Variants in USP42 observed in about 807,000 individuals in gnomAD.
The protein encoded by USP42 is ubiquitin carboxyl-terminal hydrolase 42.
USP42 carries 23 observed loss-of-function variants against 113.0 expected under a neutral mutation model. The ratio of observed to expected loss-of-function variants is 0.20; its 90% confidence interval spans 0.15 to 0.29. The LOEUF (loss-of-function observed/expected upper bound fraction) is 0.29. USP42 is among the 10% of genes least tolerant of loss of function. The pLI, the probability that USP42 is intolerant of heterozygous loss-of-function variation, is 1.00. For missense variants in USP42, 2,174 were observed against 1,779.8 expected (o/e 1.22, Z -3.99); for synonymous variants, 933 against 699.0 (o/e 1.33, Z -5.28).
chr7:6,098,618 C>G, the USP42 span, among the ~76,000 whole-genome samples: 1 of 150,382 alleles, frequency 6.6e-6, no homozygotes, highest in Non-Finnish European at 1.5e-5. Context: ...GTGGCATGAT[C>G]TCAGCTCACT....
At chr7:6,133,256 G>A (rs1449618002) in intron 3 of USP42, among the ~76,000 whole-genome samples, 1 of 152,084 alleles carries the variant, frequency 6.6e-6, no homozygotes, top group East Asian at 1.9e-4. Flanking sequence ...TGTGCTTTTC[G>A]TTTGTAGATA....
At position 6,109,250 on chromosome 7, in the gene USP42, A is replaced by G. The variant is rs375624699; in HGVS notation, c.-9-1875A>G. ...CCAGAGACAGCAGGGACAAAAGAAA[A>G]AAAAACAAGACTTCAGCATGGTGGG... On this transcript the variant is annotated intron_variant, in intron 1 of 17. Coordinates refer to ENST00000306177, the MANE Select transcript of USP42 (RefSeq NM_032172.3). Among the ~76,000 whole-genome samples, 8 of 152,298 alleles carry G rather than the reference A, an allele frequency of 5.3e-5. 1 individual carries two copies. The South Asian group carries it at 1.2e-3, about 24-fold the overall frequency.
Position 6,158,059 on chromosome 7 carries a change from A to C in USP42, c.3943+1004A>C, listed in dbSNP as rs1583702973. Among the ~76,000 whole-genome samples the C allele has an allele frequency of 6.6e-6, 1 of 152,256 alleles. No individual in the cohort carries two copies. Among genetic ancestry groups the C allele is most frequent in the Admixed American group, 6.5e-5 (1 of 15,288 alleles). ...CTGGGGCCAACTTCGGCCAGTCACCAGACTTTGTATGAACTTGGAGTTAAG... is the reference window on the plus strand; with the variant it reads ...CTGGGGCCAACTTCGGCCAGTCACCCGACTTTGTATGAACTTGGAGTTAAG... On this transcript the variant is annotated intron_variant, in intron 16 of 17. Coordinates refer to ENST00000306177, the MANE Select transcript of USP42 (RefSeq NM_032172.3). The surrounding 1 kb of genome is among the most constrained non-coding windows in gnomAD (Gnocchi z 4.2).
rs1189852419 is a variant in USP42, at chr7:6,157,597, C to T, written c.3943+542C>T. The stretch of plus-strand genomic sequence containing the variant: ...GTTTTTAGTAGAGACGGTGTTTCAC[C>T]GTGTTAGCCAGGATGGTCTCGAGAA... On this transcript the variant is annotated intron_variant, in intron 16 of 17. Transcript: ENST00000306177. The surrounding 1 kb of genome is among the most constrained non-coding windows in gnomAD (Gnocchi z 4.1). Among the ~76,000 whole-genome samples, 4 of 152,080 alleles carry T rather than the reference C, an allele frequency of 2.6e-5. No individual in the cohort carries two copies. The highest frequency in any genetic ancestry group is 4.4e-5 in the Non-Finnish European group (3 of 68,022).
In USP42 at chr7:6,154,690, C is replaced by G. The variant is rs763843037; in HGVS notation, c.3136C>G (p.Arg1046Gly). The change falls in exon 15 of 18, where the codon CGG (arginine) becomes GGG (glycine). Residue 1046 changes from arginine (R) to glycine (G), a missense_variant. Arg to Gly is a moderately radical substitution (Grantham distance 125). Transcript: ENST00000306177. Reference protein sequence around the residue: ...HYTEGERGWGREKFYPDRPRW... With the variant: ...HYTEGERGWGGEKFYPDRPRW... ...CACCGAGGGCGAGCGTGGCTGGGGC[C>G]GGGAGAAGTTCTACCCCGACAGGCC... The G allele has an allele frequency of 3.1e-6, 5 of 1,603,796 alleles. No individual in the cohort carries two copies. The South Asian group carries it at 5.6e-5, about 18-fold the overall frequency.
chr7:6,086,668 C>T, the USP42 span, among the ~76,000 whole-genome samples: 1 of 147,152 alleles, frequency 6.8e-6, no homozygotes, highest in Non-Finnish European at 1.5e-5. Context: ...CCTTCCCTTC[C>T]CCCTTCCCTT....
chr7:6,129,092 G>A (rs749312422), intron 3 of USP42, among the ~76,000 whole-genome samples: 3 of 152,148 alleles, frequency 2.0e-5, no homozygotes, highest in Non-Finnish European at 2.9e-5. Flanking sequence ...GATTACAGGC[G>A]TGTGCCACTG....
chr7:6,085,439 G>C, the USP42 span, among the ~76,000 whole-genome samples: 9 of 148,152 alleles, frequency 6.1e-5, no homozygotes, highest in Non-Finnish European at 1.0e-4. Flanking sequence ...TCCCCTTTTA[G>C]TTGTTGGAAC....
chr7:6,097,739 C>T, the USP42 span, among the ~76,000 whole-genome samples: 6 of 149,252 alleles, frequency 4.0e-5, no homozygotes, highest in African/African-American at 1.5e-4. Context: ...TACAGGCGGC[C>T]GCCACCATGC....
rs1782502453 is a variant in USP42, at chr7:6,157,183, C to G, written c.3943+128C>G. The stretch of plus-strand genomic sequence containing the variant: ...AAGGGCACAGTTACTCAGAGCACCC[C>G]TGCCCTGCCTGGTCTGGCCTCAGTG... On this transcript the variant is annotated intron_variant, in intron 16 of 17. Transcript: ENST00000306177. The surrounding 1 kb of genome is among the most constrained non-coding windows in gnomAD (Gnocchi z 4.1). 7.0e-7 allele frequency: 1 copy of G among 1,435,196 alleles called. No individual in the cohort carries two copies. The highest frequency in any genetic ancestry group is 9.1e-7 in the Non-Finnish European group (1 of 1,100,094). The allele number at this position is 1,435,196 out of a possible 1,614,324, so 88.9% of individuals were successfully genotyped here.
intron 3 of USP42, among the ~76,000 whole-genome samples, chr7:6,124,462 C>T (rs59527940): frequency 0.33 from 50,113 of 151,378 alleles, 10,118 homozygotes; most frequent in East Asian, 0.72. Context: ...GATGGGGTTT[C>T]ACCATATTGG....
In USP42 at chr7:6,145,653, A is replaced by C. The variant is rs1583660724; in HGVS notation, c.1128A>C (p.Ile376=). 1.2e-6 allele frequency: 2 copies of C among 1,613,546 alleles called. No homozygotes were observed. The highest frequency in any genetic ancestry group is 1.7e-6 in the Non-Finnish European group (2 of 1,179,620). ...ATGCTGGCCATTACTTCTGCTACAT[A>C]AAAGTAAGCTGTGCAGATTTGCTAT... ...NCHAGHYFCY[I]KASNGLWYQM... is the part of the protein sequence containing the mutation. Residue 376 remains isoleucine, a synonymous_variant, in exon 10 of 18, where the codon ATA becomes ATC. Transcript: ENST00000306177.
At chr7:6,104,484 C>T (rs1045630815), upstream of USP42, among the ~76,000 whole-genome samples, 2 of 152,262 alleles carry the variant, frequency 1.3e-5, no homozygotes, top group Non-Finnish European at 2.9e-5. Flanking sequence ...GAGGATTTCT[C>T]GGAGCCAAGT....
At chr7:6,126,722 G>C (rs1446883061) in intron 3 of USP42, among the ~76,000 whole-genome samples, 1 of 152,084 alleles carries the variant, frequency 6.6e-6, no homozygotes, top group African/African-American at 2.4e-5. Flanking sequence ...TAGAGCTGCA[G>C]TAAACACATC....
At chr7:6,107,413 T>C (rs867914370) in intron 1 of USP42, among the ~76,000 whole-genome samples, 9 of 149,838 alleles carry the variant, frequency 6.0e-5, no homozygotes, top group African/African-American at 1.7e-4. Flanking sequence ...CCTTTTCTTT[T>C]TTTTTTTTTT....
At chr7:6,114,425 A>G (rs953934806) in intron 2 of USP42, among the ~76,000 whole-genome samples, 8 of 151,884 alleles carry the variant, frequency 5.3e-5, no homozygotes, top group Non-Finnish European at 1.0e-4. Flanking sequence ...TTATCAACTT[A>G]CGGGCAGTGA....
At chr7:6,090,882 A>G in the USP42 span, among the ~76,000 whole-genome samples, 1 of 148,780 alleles carries the variant, frequency 6.7e-6, no homozygotes, top group Non-Finnish European at 1.5e-5. Context: ...TCTTGAGAGG[A>G]CCTTACGCTT....
At position 6,107,353 on chromosome 7, in the gene USP42, GGA is replaced by G. The variant is rs1779345523; in HGVS notation, c.-10+2322_-10+2323del. Among the ~76,000 whole-genome samples, 8 of 151,458 alleles carry G rather than the reference GGA, an allele frequency of 5.3e-5. No individual in the cohort carries two copies. The South Asian group carries it at 1.7e-3, about 32-fold the overall frequency. On this transcript the variant is annotated intron_variant, in intron 1 of 17. Coordinates refer to ENST00000306177, the MANE Select transcript of USP42 (RefSeq NM_032172.3). ...GTTTAGTGTTACTGTAAATAAGGCT[GGA>G]TTAACCTTTTCTTATATTTCTTACA...
intron 1 of USP42, among the ~76,000 whole-genome samples, chr7:6,110,129 C>G (rs975186903): frequency 6.6e-6 from 1 of 152,152 alleles, no homozygotes; most frequent in African/African-American, 2.4e-5. Flanking sequence ...CCACCGCGCC[C>G]GGCCTCCTGA....
Sources: gnomAD v4.1 joint callset for allele counts (sites outside exome capture counted in the v4.1 genomes callset) on GRCh38, gnomAD v4.1.1 for gene constraint, Gnocchi (gnomAD v3.1) non-coding constraint, MANE v1.5 for transcripts, NCBI Gene and HGNC (gene_info 2026-07-23, HGNC 2026-07-21) for gene names.